IMMP2L: variants seen among roughly 807,000 people sequenced by gnomAD.
IMMP2L encodes the protein mitochondrial inner membrane protease subunit 2.
A neutral mutation model predicts 19.3 loss-of-function variants in IMMP2L; 18 were observed. The ratio of observed to expected loss-of-function variants is 0.93; its 90% confidence interval spans 0.64 to 1.38. The LOEUF is 1.38. Ranked by LOEUF, IMMP2L falls within the 40% of genes most tolerant of loss-of-function variation. The probability of loss-of-function intolerance (pLI) is 0.00; values close to 1 mark genes in which losing one functional copy is unlikely to be tolerated. For missense variants in IMMP2L, 233 were observed against 218.2 expected (o/e 1.07, Z -0.43); for synonymous variants, 76 against 73.0 (o/e 1.04, Z -0.21).
intron 3 of IMMP2L, among the ~76,000 whole-genome samples, chr7:111,262,480 T>C (rs1027542725): frequency 6.6e-6 from 1 of 151,942 alleles, no homozygotes. Flanking sequence ...AGAAAAGAAA[T>C]GGGAGTGGGG....
chr7:111,423,017 C>T (rs942862343), intron 3 of IMMP2L, among the ~76,000 whole-genome samples: 1 of 151,770 alleles, frequency 6.6e-6, no homozygotes, highest in African/African-American at 2.4e-5. Context: ...TGATGGATTA[C>T]GTTTATTGAT....
chr7:110,824,620 G>A (rs1183660305), intron 5 of IMMP2L, among the ~76,000 whole-genome samples: 5 of 151,936 alleles, frequency 3.3e-5, no homozygotes, highest in Admixed American at 1.3e-4. Context: ...CTCCATCCCC[G>A]ACCTCTGAAA....
chr7:110,938,223 A>T (rs1816332381), intron 4 of IMMP2L, among the ~76,000 whole-genome samples: 3 of 152,328 alleles, frequency 2.0e-5, no homozygotes, highest in South Asian at 4.1e-4. Flanking sequence ...ATACACATTT[A>T]TGGCATACTA....
chr7:110,954,906 C>T (rs548614531), intron 4 of IMMP2L, among the ~76,000 whole-genome samples: 1 of 152,114 alleles, frequency 6.6e-6, no homozygotes, highest in South Asian at 2.1e-4. Flanking sequence ...TTGGAAAAAG[C>T]AATTCAATCT....
chr7:111,302,179 G>C (rs1822329186), intron 3 of IMMP2L, among the ~76,000 whole-genome samples: 1 of 151,484 alleles, frequency 6.6e-6, no homozygotes, highest in Non-Finnish European at 1.5e-5. Flanking sequence ...TCTGTCATCA[G>C]TTCTCAACTA....
At chr7:111,518,814 AAAAACAT>A (rs1381382281) in intron 2 of IMMP2L, among the ~76,000 whole-genome samples, 2 of 152,152 alleles carry the variant, frequency 1.3e-5, no homozygotes, top group Non-Finnish European at 2.9e-5. Flanking sequence ...ATCCAATTGT[AAAAACAT>A]ATTTTCCTTT....
chr7:110,789,388 G>C (rs1389098443), intron 5 of IMMP2L, among the ~76,000 whole-genome samples: 2 of 151,638 alleles, frequency 1.3e-5, no homozygotes, highest in Non-Finnish European at 2.9e-5. Context: ...GCTTCTCCCT[G>C]TTTCTCATAC....
intron 3 of IMMP2L, among the ~76,000 whole-genome samples, chr7:111,048,366 T>C (rs1792657438): frequency 1.3e-5 from 2 of 152,162 alleles, no homozygotes; most frequent in South Asian, 4.2e-4. Context: ...TCTTGTTAAC[T>C]GGACTCTGCA....
intron 3 of IMMP2L, among the ~76,000 whole-genome samples, chr7:111,291,757 T>TTTCACCACAAAAAAATGAC (rs1821131277): frequency 6.6e-6 from 1 of 152,110 alleles, no homozygotes; most frequent in African/African-American, 2.4e-5. Flanking sequence ...TTTCAAATGT[T>TTTCACCACAAAAAAATGAC]TTCACCACAA....
At chr7:111,084,768 G>T (rs1796171303) in intron 3 of IMMP2L, among the ~76,000 whole-genome samples, 1 of 152,094 alleles carries the variant, frequency 6.6e-6, no homozygotes, top group Non-Finnish European at 1.5e-5. Context: ...TAACAAGTTT[G>T]GATTAGAAAT....
intron 3 of IMMP2L, among the ~76,000 whole-genome samples, chr7:111,159,555 A>G (rs544815305): frequency 2.6e-5 from 4 of 152,322 alleles, no homozygotes; most frequent in East Asian, 1.9e-4. Context: ...TAAATTCACT[A>G]AACAAAAGGA....
chr7:111,445,732 G>C (rs192568816), intron 3 of IMMP2L, among the ~76,000 whole-genome samples: 1,602 of 152,282 alleles, frequency 0.011, 31 homozygotes, highest in African/African-American at 0.035. Flanking sequence ...AACAGCTCCG[G>C]TCTACAGCTC....
intron 3 of IMMP2L, among the ~76,000 whole-genome samples, chr7:111,336,033 A>G (rs1370731099): frequency 6.6e-6 from 1 of 152,034 alleles, no homozygotes; most frequent in Non-Finnish European, 1.5e-5. Context: ...GGTTTCAAGT[A>G]TACTTAATTT....
At chr7:111,387,221 T>C (rs183829500) in intron 3 of IMMP2L, among the ~76,000 whole-genome samples, 74 of 152,270 alleles carry the variant, frequency 4.9e-4, no homozygotes, top group African/African-American at 1.7e-3. Flanking sequence ...ACTTTGAGGA[T>C]GGTTACAGAT....
intron 2 of IMMP2L, among the ~76,000 whole-genome samples, chr7:111,499,401 C>G (rs1843924526): frequency 6.6e-6 from 1 of 152,074 alleles, no homozygotes; most frequent in East Asian, 1.9e-4. Context: ...ATAACCCTTC[C>G]TAAGAGCCCC....
intron 1 of IMMP2L, among the ~76,000 whole-genome samples, chr7:111,524,231 T>C (rs1846618843): frequency 6.6e-6 from 1 of 152,016 alleles, no homozygotes; most frequent in Admixed American, 6.6e-5. Flanking sequence ...TCCACATCTA[T>C]TCTTTTTATT....
At chr7:111,218,221 T>C (rs1812161218) in intron 3 of IMMP2L, among the ~76,000 whole-genome samples, 1 of 151,014 alleles carries the variant, frequency 6.6e-6, no homozygotes, top group Non-Finnish European at 1.5e-5. Flanking sequence ...TGAAGTTTTC[T>C]TATGCAAGAC....
intron 5 of IMMP2L, among the ~76,000 whole-genome samples, chr7:110,872,296 C>T (rs1157139074): frequency 2.0e-5 from 3 of 152,152 alleles, no homozygotes; most frequent in South Asian, 4.1e-4. Context: ...AGTTACTTTT[C>T]CACTTGTCCT....
chr7:110,907,684 A>G (rs924034152), intron 4 of IMMP2L, among the ~76,000 whole-genome samples: 1 of 152,198 alleles, frequency 6.6e-6, no homozygotes, highest in African/African-American at 2.4e-5. Context: ...TACTGTTCCA[A>G]GGCATAATCA....
Sources: gnomAD v4.1 joint callset for allele counts (sites outside exome capture counted in the v4.1 genomes callset) on GRCh38, gnomAD v4.1.1 for gene constraint, MANE v1.5 for transcripts, NCBI Gene and HGNC (gene_info 2026-07-23, HGNC 2026-07-21) for gene names.